The following CRPPA variants were observed in gnomAD, a reference collection of about 807,000 sequenced individuals.
The protein encoded by CRPPA is CDP-L-ribitol pyrophosphorylase A, also known as D-ribitol-5-phosphate cytidylyltransferase.
In CRPPA, 43 loss-of-function variants were observed where a neutral mutation model predicts 52.0. The ratio of observed to expected loss-of-function variants is 0.83; its 90% CI spans 0.65 to 1.07. The LOEUF (loss-of-function observed/expected upper bound fraction) is 1.07. CRPPA is among the 50% of genes least tolerant of loss of function. CRPPA has a pLI of 0.00. For synonymous variants in CRPPA, 250 were observed against 203.5 expected (o/e 1.23, Z -1.94); for missense variants, 629 against 551.7 (o/e 1.14, Z -1.40).
At chr7:16,146,260 C>T (rs186297823) in intron 9 of CRPPA, among the ~76,000 whole-genome samples, 288 of 150,812 alleles carry the variant, frequency 1.9e-3, no homozygotes, top group African/African-American at 6.4e-3. Context: ...AGCTGTCATT[C>T]GAGAGTGGAG....
At chr7:16,349,403 A>G (rs895704593) in intron 3 of CRPPA, among the ~76,000 whole-genome samples, 2 of 152,194 alleles carry the variant, frequency 1.3e-5, no homozygotes, top group Non-Finnish European at 2.9e-5. Flanking sequence ...AAGAAAATGA[A>G]AAAGCAGAAA....
At chr7:16,206,475 C>A (rs1781976092) in intron 9 of CRPPA, among the ~76,000 whole-genome samples, 2 of 152,012 alleles carry the variant, frequency 1.3e-5, no homozygotes, top group African/African-American at 4.8e-5. Context: ...CTGAACCCCT[C>A]TTTTGAAAGA....
chr7:16,170,253 TC>T (rs1386930937), intron 9 of CRPPA, among the ~76,000 whole-genome samples: 1 of 152,208 alleles, frequency 6.6e-6, no homozygotes, highest in Admixed American at 6.5e-5. Flanking sequence ...ACATAATTGA[TC>T]AGCAAATTTA....
intron 9 of CRPPA, among the ~76,000 whole-genome samples, chr7:16,147,600 T>C (rs927341961): frequency 2.0e-5 from 3 of 152,178 alleles, no homozygotes; most frequent in Non-Finnish European, 4.4e-5. Context: ...TTCCTCCCTT[T>C]TAAGAAAAAT....
At chr7:16,397,450 C>T (rs1382915885) in intron 2 of CRPPA, among the ~76,000 whole-genome samples, 1 of 152,170 alleles carries the variant, frequency 6.6e-6, no homozygotes, top group South Asian at 2.1e-4. Flanking sequence ...ATGTAACAGA[C>T]GTGACACGTG....
intron 2 of CRPPA, among the ~76,000 whole-genome samples, chr7:16,397,236 CAT>C (rs1161100008): frequency 7.2e-5 from 11 of 152,218 alleles, no homozygotes; most frequent in African/African-American, 1.9e-4. Flanking sequence ...ACGAACATAA[CAT>C]GTAACTGACA....
At chr7:16,323,470 C>G (rs908874244) in intron 3 of CRPPA, among the ~76,000 whole-genome samples, 1 of 152,132 alleles carries the variant, frequency 6.6e-6, no homozygotes, top group African/African-American at 2.4e-5. Context: ...TCTTGTACCT[C>G]TGCTATCTCC....
chr7:16,095,088 G>C (rs569516847), intron 9 of CRPPA, among the ~76,000 whole-genome samples: 1 of 152,052 alleles, frequency 6.6e-6, no homozygotes, highest in East Asian at 1.9e-4. Context: ...AACTCTCTGC[G>C]GCATCCTCTG....
At chr7:16,318,751 C>CTA (rs1307364289) in intron 3 of CRPPA, among the ~76,000 whole-genome samples, 3 of 152,108 alleles carry the variant, frequency 2.0e-5, no homozygotes, top group Non-Finnish European at 4.4e-5. Context: ...GGCCCTCCAC[C>CTA]TATATCAATC....
At chr7:16,395,757 G>C (rs1228200403) in intron 2 of CRPPA, among the ~76,000 whole-genome samples, 1 of 152,084 alleles carries the variant, frequency 6.6e-6, no homozygotes, top group Admixed American at 6.6e-5. Flanking sequence ...TAACATGATT[G>C]GGAATATACT....
chr7:16,240,416 C>T lies in CRPPA; in HGVS notation c.1119+17974G>A, dbSNP rs897446884. ...AGAAAATTTTAATATCTCTTAAGTG[C>T]CAACATAAAAATTCAGTATATAATA... On this transcript the variant is annotated intron_variant, in intron 8 of 9. Coordinates refer to ENST00000407010, the MANE Select transcript of CRPPA (RefSeq NM_001101426.4). Among the ~76,000 whole-genome samples the T allele has an allele frequency of 2.0e-5, 3 of 151,570 alleles. No homozygotes were observed. The South Asian group carries it at 6.2e-4, about 32-fold the overall frequency.
At chr7:16,262,877 T>A (rs1783847285) in intron 6 of CRPPA, among the ~76,000 whole-genome samples, 1 of 152,174 alleles carries the variant, frequency 6.6e-6, no homozygotes, top group African/African-American at 2.4e-5. Flanking sequence ...GACTGTTACT[T>A]TTAAAAATGT....
rs146700159 is a variant in CRPPA, at chr7:16,170,427, T to A, written c.1251+45639A>T. ...GTTTATTCCTTCTGATGTTCGGAGT[T>A]TCTTCCTTCTGGTGGGTTTGTGGTC... is the stretch of plus-strand genomic sequence containing the variant. On this transcript the variant is annotated intron_variant, in intron 9 of 9. Coordinates refer to ENST00000407010, the MANE Select transcript of CRPPA (RefSeq NM_001101426.4). Among the ~76,000 whole-genome samples the A allele has an allele frequency of 3.7e-3, 561 of 152,344 alleles. 3 individuals are homozygous for A. The highest frequency in any genetic ancestry group is 0.017 in the Middle Eastern group (5 of 294).
At position 16,342,806 on chromosome 7, in the gene CRPPA, GATATATAGATATAC is replaced by G. The variant is rs1562643306; in HGVS notation, c.684+33272_684+33285del. ...AAATATATATATATATATCTATATA[GATATATAGATATAC>G]ATATATAGATATATAGATATATAGA... On this transcript the variant is annotated intron_variant, in intron 3 of 9. Transcript: ENST00000407010. Among the ~76,000 whole-genome samples the G allele has an allele frequency of 1.7e-4, 17 of 101,836 alleles. 1 individual carries two copies. Among genetic ancestry groups the G allele is most frequent in the South Asian group, 7.1e-4 (2 of 2,814 alleles). 66.8% of individuals were successfully genotyped at this position (101,836 alleles called of 152,430 possible). A position where few individuals can be genotyped will look rare whatever the true frequency, so the allele number is the denominator to read the frequency against.
chr7:16,312,765 G>C (rs1304877), intron 3 of CRPPA, among the ~76,000 whole-genome samples: 95 of 151,758 alleles, frequency 6.3e-4, no homozygotes, highest in African/African-American at 2.2e-3. Flanking sequence ...TCTATTTCTC[G>C]TTTTCTGAAA....
At chr7:16,389,557 C>G (rs747581802) in intron 2 of CRPPA, among the ~76,000 whole-genome samples, 37 of 151,996 alleles carry the variant, frequency 2.4e-4, no homozygotes, top group Non-Finnish European at 4.6e-4. Context: ...ATCCAACACC[C>G]CTTTGTGAGA....
intron 8 of CRPPA, among the ~76,000 whole-genome samples, chr7:16,230,671 T>G (rs1387726857): frequency 1.3e-5 from 2 of 152,218 alleles, no homozygotes; most frequent in Non-Finnish European, 2.9e-5. Flanking sequence ...CACATTTTTT[T>G]CATATGGTCA....
intron 2 of CRPPA, among the ~76,000 whole-genome samples, chr7:16,380,587 C>G (rs981933084): frequency 2.4e-4 from 37 of 152,252 alleles, no homozygotes; most frequent in South Asian, 4.2e-4. Flanking sequence ...CCTTGTACCT[C>G]TGGTAGAATT....
intron 9 of CRPPA, among the ~76,000 whole-genome samples, chr7:16,103,144 G>C (rs1377399963): frequency 6.6e-6 from 1 of 152,128 alleles, no homozygotes; most frequent in Non-Finnish European, 1.5e-5. Context: ...ATGATATTAT[G>C]TCCTTTGCAG....
Sources: gnomAD v4.1 joint callset for allele counts (sites outside exome capture counted in the v4.1 genomes callset) on GRCh38, gnomAD v4.1.1 for gene constraint, MANE v1.5 for transcripts, NCBI Gene and HGNC (gene_info 2026-07-23, HGNC 2026-07-21) for gene names.